KCTD16: variants seen among roughly 807,000 people sequenced by gnomAD.
The protein encoded by KCTD16 is potassium channel tetramerization domain containing 16.
KCTD16 carries 13 observed loss-of-function variants against 33.2 expected under a neutral mutation model. The ratio of observed to expected loss-of-function variants is 0.39; its 90% CI spans 0.25 to 0.62. The LOEUF (loss-of-function observed/expected upper bound fraction) is 0.62. Ranked by LOEUF, KCTD16 falls within the 20% of genes least tolerant of loss-of-function variation. The pLI is 0.50. For missense variants in KCTD16, 441 were observed against 525.1 expected (o/e 0.84, Z 1.57); for synonymous variants, 197 against 195.3 (o/e 1.01, Z -0.07).
At chr5:144,218,239 T>A (rs1046603748) in intron 3 of KCTD16, among the ~76,000 whole-genome samples, 2 of 152,204 alleles carry the variant, frequency 1.3e-5, no homozygotes, top group Non-Finnish European at 2.9e-5. Context: ...AATTTCAATC[T>A]AGTGTGATGA....
intron 3 of KCTD16, among the ~76,000 whole-genome samples, chr5:144,324,150 C>G (rs1001028946): frequency 1.3e-5 from 2 of 152,138 alleles, no homozygotes; most frequent in African/African-American, 2.4e-5. Context: ...ACTATCTTCT[C>G]TCTCAACTGC....
At position 144,309,131 on chromosome 5, in the gene KCTD16, A is replaced by G. The variant is rs150530337; in HGVS notation, c.832+101585A>G. Among the ~76,000 whole-genome samples, 21 of 151,962 alleles carry G rather than the reference A, an allele frequency of 1.4e-4. 1 individual carries two copies. The East Asian group carries it at 4.1e-3, about 29-fold the overall frequency. ...CATTTCACGCTGCCTTTTTTCTGAAACAAACCAATTAGCAGTGAGAAGAGG... is the reference window on the plus strand; with the variant it reads ...CATTTCACGCTGCCTTTTTTCTGAAGCAAACCAATTAGCAGTGAGAAGAGG... On this transcript the variant is annotated intron_variant, in intron 3 of 3. Coordinates refer to ENST00000512467, the MANE Select transcript of KCTD16 (RefSeq NM_020768.4).
At chr5:144,183,874 T>C (rs936904407) in intron 2 of KCTD16, among the ~76,000 whole-genome samples, 1 of 152,240 alleles carries the variant, frequency 6.6e-6, no homozygotes, top group African/African-American at 2.4e-5. Flanking sequence ...TAGTATGTTT[T>C]ATCTTTACCA....
chr5:144,245,848 C>G (rs373484837), intron 3 of KCTD16, among the ~76,000 whole-genome samples: 127 of 152,304 alleles, frequency 8.3e-4, no homozygotes, highest in East Asian at 5.0e-3. Flanking sequence ...TCCCCAGAAG[C>G]AAATGCTGCC....
At chr5:144,455,042 T>C (rs188361578) in intron 3 of KCTD16, among the ~76,000 whole-genome samples, 1 of 152,152 alleles carries the variant, frequency 6.6e-6, no homozygotes, top group Admixed American at 6.5e-5. Flanking sequence ...TTTGAAATAA[T>C]TGGTACAAGC....
chr5:144,189,412 C>T (rs1752794116), intron 2 of KCTD16, among the ~76,000 whole-genome samples: 1 of 150,768 alleles, frequency 6.6e-6, no homozygotes, highest in Non-Finnish European at 1.5e-5. Context: ...AGGAGAATGG[C>T]GTGAACCTGG....
chr5:144,226,496 T>G (rs1035748903), intron 3 of KCTD16, among the ~76,000 whole-genome samples: 1 of 152,192 alleles, frequency 6.6e-6, no homozygotes, highest in Non-Finnish European at 1.5e-5. Context: ...TTAAATAAAA[T>G]TGATCTTATT....
intron 3 of KCTD16, among the ~76,000 whole-genome samples, chr5:144,310,142 A>G (rs1181083304): frequency 6.6e-6 from 1 of 152,124 alleles, no homozygotes; most frequent in Non-Finnish European, 1.5e-5. Flanking sequence ...ATGAATGAGA[A>G]TATGCAAAGT....
At chr5:144,286,924 C>T (rs763811082) in intron 3 of KCTD16, among the ~76,000 whole-genome samples, 2 of 152,130 alleles carry the variant, frequency 1.3e-5, no homozygotes, top group Non-Finnish European at 2.9e-5. Flanking sequence ...TTACTATGTA[C>T]CAGGTATGAT....
chr5:144,317,895 G>GA (rs1484716771), intron 3 of KCTD16, among the ~76,000 whole-genome samples: 1 of 152,188 alleles, frequency 6.6e-6, no homozygotes, highest in Non-Finnish European at 1.5e-5. Flanking sequence ...TGAAATCCAG[G>GA]AGTGCAGAGA....
intron 3 of KCTD16, among the ~76,000 whole-genome samples, chr5:144,315,489 A>C (rs1480660282): frequency 1.3e-5 from 2 of 152,172 alleles, no homozygotes; most frequent in African/African-American, 4.8e-5. Context: ...AGAAATACTA[A>C]AGTAGAAAAT....
At chr5:144,227,838 G>T (rs537668091) in intron 3 of KCTD16, among the ~76,000 whole-genome samples, 4 of 152,300 alleles carry the variant, frequency 2.6e-5, no homozygotes, top group Non-Finnish European at 4.4e-5. Flanking sequence ...TGGGTGTGTT[G>T]TATGAGCAAA....
At chr5:144,175,104 A>G (rs879402457) in intron 2 of KCTD16, among the ~76,000 whole-genome samples, 2 of 152,232 alleles carry the variant, frequency 1.3e-5, no homozygotes, top group African/African-American at 4.8e-5. Flanking sequence ...AAAATATGAC[A>G]GCTAACACCT....
chr5:144,468,306 C>T (rs1754393395), intron 3 of KCTD16, among the ~76,000 whole-genome samples: 1 of 152,212 alleles, frequency 6.6e-6, no homozygotes, highest in Non-Finnish European at 1.5e-5. Flanking sequence ...TCACTTCTCC[C>T]ATGTCTGTCT....
intron 3 of KCTD16, among the ~76,000 whole-genome samples, chr5:144,342,000 C>A (rs538999451): frequency 6.6e-6 from 1 of 152,096 alleles, no homozygotes; most frequent in Non-Finnish European, 1.5e-5. Flanking sequence ...AGATCTCCTG[C>A]GAATATCTGA....
At chr5:144,382,427 A>C (rs1752236826) in intron 3 of KCTD16, among the ~76,000 whole-genome samples, 1 of 152,134 alleles carries the variant, frequency 6.6e-6, no homozygotes, top group Non-Finnish European at 1.5e-5. Context: ...AAAAGAAATA[A>C]GCTCAGACAT....
rs558230999 is a variant in KCTD16 at position 144,334,095 on chromosome 5, C to G, written c.832+126549C>G. ...AAGCTACTCACATAAAAAGAAATCC[C>G]TCAGAGGTTGAAGGGAACCAGCTTA... On this transcript the variant is annotated intron_variant, in intron 3 of 3. Transcript: ENST00000512467. Among the ~76,000 whole-genome samples the G allele has an allele frequency of 2.6e-5, 4 of 152,268 alleles. No individual in the cohort carries two copies. The South Asian group carries it at 6.2e-4, about 24-fold the overall frequency.
chr5:144,392,119 A>G lies in KCTD16; in HGVS notation c.833-81541A>G, dbSNP rs139562786. 6.6e-5 allele frequency among the ~76,000 whole-genome samples: 10 copies of G among 152,360 alleles called. No homozygotes were observed. The East Asian group carries it at 1.5e-3, about 24-fold the overall frequency. The stretch of plus-strand genomic sequence containing the variant: ...TGTTATAATAGTTGCCATGAAGGAA[A>G]CAAACGGTGTGGGAGAGAGATACAG... On this transcript the variant is annotated intron_variant, in intron 3 of 3. Transcript: ENST00000512467.
At chr5:144,211,748 C>A (rs1753400067) in intron 3 of KCTD16, among the ~76,000 whole-genome samples, 1 of 152,122 alleles carries the variant, frequency 6.6e-6, no homozygotes, top group Non-Finnish European at 1.5e-5. Context: ...GGTATTGGCA[C>A]ATTCAAAGTG....
Sources: allele counts gnomAD v4.1 joint callset (sites outside exome capture counted in the v4.1 genomes callset), GRCh38; gene constraint gnomAD v4.1.1; transcripts MANE v1.5; gene names NCBI Gene and HGNC (gene_info 2026-07-23, HGNC 2026-07-21).